Variants in ZNF680 observed in about 807,000 individuals in gnomAD.
The protein encoded by ZNF680 is hypothetical protein FLJ90430.
A neutral mutation model predicts 12.1 loss-of-function variants in ZNF680; 6 were observed. The observed-to-expected ratio is 0.49, with a 90% CI of 0.27 to 0.98. ZNF680 has a LOEUF of 0.98. Among genes scored for constraint, ZNF680 ranks in the 50% least tolerant of loss-of-function variants. The pLI is 0.12. For missense variants in ZNF680, 561 were observed against 616.3 expected (o/e 0.91, Z 0.95); for synonymous variants, 170 against 199.3 (o/e 0.85, Z 1.24).
chr7:64,526,368 CA>C (rs1791842694), intron 3 of ZNF680: 38 of 1,320,014 alleles, frequency 2.9e-5, no homozygotes, highest in Non-Finnish European at 3.5e-5. Context: ...TGTTATGATT[CA>C]TTATGACTAG....
chr7:64,544,195 C>T, intron 2 of ZNF680, 111 bp downstream of exon 2: 1 of 1,433,548 alleles, frequency 7.0e-7, no homozygotes, highest in Non-Finnish European at 9.3e-7. Flanking sequence ...TTCTTGAAAA[C>T]AGGGATCTGA....
In ZNF680 at chr7:64,520,062, C is replaced by G. The variant is rs771928807; in HGVS notation, c.*1099G>C. 6.6e-6 allele frequency: 1 copy of G among 151,634 alleles called. No homozygotes were observed. The highest frequency in any genetic ancestry group is 1.5e-5 in the Non-Finnish European group (1 of 67,650). 9.4% of individuals were successfully genotyped at this position (151,634 alleles called of 1,614,324 possible). A position where few individuals can be genotyped will look rare whatever the true frequency, so the allele number is the denominator to read the frequency against. ...CTATGATGCAGAATATTACTCCAAA[C>G]ACCTACCTCATGCATCACTCAATAT... is the stretch of plus-strand genomic sequence containing the variant. On this transcript the variant is annotated 3_prime_UTR_variant, in exon 4 of 4. Transcript: ENST00000309683.
intron 3 of ZNF680, 140 bp downstream of exon 3, chr7:64,543,567 G>T: frequency 1.5e-6 from 1 of 664,730 alleles, no homozygotes; most frequent in South Asian, 1.9e-5. Flanking sequence ...GTGAGAGCAA[G>T]AGAAAAGAAA....
the ZNF680 span, among the ~76,000 whole-genome samples, chr7:64,510,718 G>A: frequency 7.6e-6 from 1 of 130,764 alleles, no homozygotes; most frequent in African/African-American, 2.9e-5. Context: ...AGACCATCCC[G>A]GCTAAAATGG....
At chr7:64,506,001 T>A in the ZNF680 span, among the ~76,000 whole-genome samples, 1 of 152,062 alleles carries the variant, frequency 6.6e-6, no homozygotes, top group South Asian at 2.1e-4. Context: ...ATCAGGATAA[T>A]CTCCCTTTTG....
At chr7:64,508,233 C>T in the ZNF680 span, among the ~76,000 whole-genome samples, 1 of 149,454 alleles carries the variant, frequency 6.7e-6, no homozygotes, top group Non-Finnish European at 1.5e-5. Flanking sequence ...CAAACTCTGC[C>T]TCCTGGGTTC....
At chr7:64,552,811 T>G (rs1370173313) in intron 1 of ZNF680, among the ~76,000 whole-genome samples, 2 of 152,206 alleles carry the variant, frequency 1.3e-5, no homozygotes, top group Non-Finnish European at 2.9e-5. Context: ...TTTATATTAT[T>G]GTAGAAAATA....
intron 1 of ZNF680, chr7:64,552,186 T>C (rs1020902312): frequency 6.6e-6 from 1 of 152,218 alleles, no homozygotes; most frequent in Non-Finnish European, 1.5e-5. Context: ...CCAGAGTAGA[T>C]GGAATTACAG....
chr7:64,558,260 CA>C (rs1168746438), intron 1 of ZNF680, among the ~76,000 whole-genome samples: 7 of 147,716 alleles, frequency 4.7e-5, no homozygotes, highest in African/African-American at 1.7e-4. Flanking sequence ...GGATTTTTGG[CA>C]AAAAAAAACA....
intron 1 of ZNF680, among the ~76,000 whole-genome samples, chr7:64,560,306 G>T (rs189761500): frequency 6.6e-6 from 1 of 152,072 alleles, no homozygotes; most frequent in Admixed American, 6.5e-5. Flanking sequence ...TAGCGACAAG[G>T]CTTCACCATG....
intron 1 of ZNF680, among the ~76,000 whole-genome samples, chr7:64,554,470 C>T (rs891116086): frequency 6.6e-5 from 10 of 152,116 alleles, no homozygotes; most frequent in African/African-American, 2.4e-4. Flanking sequence ...CGCCTCTGAC[C>T]GGCTGCCCCG....
chr7:64,539,044 T>C (rs553879801), intron 3 of ZNF680, among the ~76,000 whole-genome samples: 2 of 145,352 alleles, frequency 1.4e-5, no homozygotes, highest in South Asian at 4.3e-4. Flanking sequence ...GGCAGGAGAA[T>C]CACTTGAACC....
intron 3 of ZNF680, among the ~76,000 whole-genome samples, chr7:64,542,413 A>C (rs2116483550): frequency 6.6e-6 from 1 of 152,350 alleles, no homozygotes; most frequent in Non-Finnish European, 1.5e-5. Flanking sequence ...CTGAAATTGA[A>C]GACAAATGAG....
At chr7:64,505,580 G>T in the ZNF680 span, among the ~76,000 whole-genome samples, 1 of 152,210 alleles carries the variant, frequency 6.6e-6, no homozygotes, top group African/African-American at 2.4e-5. Context: ...GAGATCCCTT[G>T]TTGGTAGGCT....
chr7:64,562,834 G>C (rs1787820017), intron 1 of ZNF680, 91 bp downstream of exon 1: 5 of 1,494,498 alleles, frequency 3.3e-6, no homozygotes, highest in Non-Finnish European at 4.6e-6. Flanking sequence ...TTGGAGCCCA[G>C]TGCTTGGAGC....
At chr7:64,526,500 G>A in intron 3 of ZNF680, 1 of 872,220 alleles carries the variant, frequency 1.1e-6, no homozygotes, top group Non-Finnish European at 1.8e-6. Context: ...AGATCAGCCT[G>A]AGCAACACAG....
At position 64,521,503 on chromosome 7, in the gene ZNF680, C is replaced by T; in HGVS notation, c.1251G>A (p.Gly417=). ...TCTTATGTCGAGTAAGGCTGGAGCA[C>T]CCATTAAAAGCTTTGCCACATTCTT... ...KCEECGKAFN[G]CSSLTRHKRI... The change falls in exon 4 of 4, where the codon GGG becomes GGA. Residue 417 remains glycine, a synonymous_variant. Coordinates refer to ENST00000309683, the MANE Select transcript of ZNF680 (RefSeq NM_178558.5). 2 of 1,613,258 alleles carry T rather than the reference C, an allele frequency of 1.2e-6. No individual in the cohort carries two copies. Among genetic ancestry groups the T allele is most frequent in the Non-Finnish European group, 1.7e-6 (2 of 1,179,690 alleles).
chr7:64,560,726 C>T (rs1191542341), intron 1 of ZNF680, among the ~76,000 whole-genome samples: 1 of 151,760 alleles, frequency 6.6e-6, no homozygotes, highest in Non-Finnish European at 1.5e-5. Context: ...GGAGGAGAAT[C>T]GCTTGAACCC....
intron 3 of ZNF680, among the ~76,000 whole-genome samples, chr7:64,542,850 C>G (rs186771301): frequency 9.9e-5 from 15 of 152,224 alleles, no homozygotes; most frequent in African/African-American, 2.9e-4. Context: ...AGGAACCTGC[C>G]ACCATGCCAG....
Sources: allele counts gnomAD v4.1 joint callset (sites outside exome capture counted in the v4.1 genomes callset), GRCh38; gene constraint gnomAD v4.1.1; transcripts MANE v1.5; gene names NCBI Gene and HGNC (gene_info 2026-07-23, HGNC 2026-07-21).